PGM5: variants seen among roughly 807,000 people sequenced by gnomAD.
PGM5 encodes the protein phosphoglucomutase-like protein 5.
PGM5 carries 23 observed loss-of-function variants against 59.2 expected under a neutral mutation model. The ratio of observed to expected loss-of-function variants is 0.39; its 90% confidence interval spans 0.28 to 0.55. The LOEUF is 0.55. Ranked by LOEUF, PGM5 falls within the 20% of genes least tolerant of loss-of-function variation. The pLI is 0.66. For missense variants in PGM5, 574 were observed against 748.3 expected, an observed-to-expected ratio of 0.77 and a Z score of 2.72; for synonymous variants, 214 against 286.0, an observed-to-expected ratio of 0.75 and a Z score of 2.54.
intron 3 of PGM5, among the ~76,000 whole-genome samples, chr9:68,386,533 T>G (rs1447268755): frequency 2.6e-5 from 4 of 152,198 alleles, no homozygotes; most frequent in African/African-American, 9.6e-5. Context: ...TTACTAAAAA[T>G]TATTGAAAGT....
chr9:68,520,124 A>T (rs1254811343), intron 10 of PGM5, among the ~76,000 whole-genome samples: 1 of 150,538 alleles, frequency 6.6e-6, no homozygotes, highest in Admixed American at 6.6e-5. Context: ...AGCTCGTTAT[A>T]AAAAATACAT....
chr9:68,470,259 G>A (rs1418922533), intron 7 of PGM5, among the ~76,000 whole-genome samples: 1 of 152,170 alleles, frequency 6.6e-6, no homozygotes, highest in Non-Finnish European at 1.5e-5. Context: ...CTAGGTTCCA[G>A]CTTTAGTGAT....
At chr9:68,479,358 T>C in intron 7 of PGM5, 60 bp from the exon 8 acceptor site, 3 of 1,530,444 alleles carry the variant, frequency 2.0e-6, no homozygotes, top group Non-Finnish European at 2.6e-6. Flanking sequence ...TCTTAATTCA[T>C]TTAGCTTTTG....
At chr9:68,484,720 G>A (rs1824266835) in intron 9 of PGM5, among the ~76,000 whole-genome samples, 1 of 152,074 alleles carries the variant, frequency 6.6e-6, no homozygotes, top group Non-Finnish European at 1.5e-5. Flanking sequence ...TTTGTAGCCT[G>A]CAGGTGCTCA....
In PGM5 at chr9:68,368,353, A is replaced by T. The variant is rs577148721; in HGVS notation, c.262-9846A>T. ...CTACCTTGTAAGAACAGCTTTGTGCAGTGAGCTCAACAACATTGATCAGTT... is the reference window on the plus strand; with the variant it reads ...CTACCTTGTAAGAACAGCTTTGTGCTGTGAGCTCAACAACATTGATCAGTT... On this transcript the variant is annotated intron_variant, in intron 1 of 10. Transcript: ENST00000396396. Among the ~76,000 whole-genome samples the T allele has an allele frequency of 5.0e-3, 754 of 151,390 alleles. 6 individuals carry two copies. Among genetic ancestry groups the T allele is most frequent in the Non-Finnish European group, 8.7e-3 (589 of 67,828 alleles).
chr9:68,499,852 G>A (rs1343577753), intron 10 of PGM5, among the ~76,000 whole-genome samples: 1 of 152,192 alleles, frequency 6.6e-6, no homozygotes, highest in Admixed American at 6.5e-5. Flanking sequence ...AGTTAAGGAA[G>A]CACATTGACA....
intron 1 of PGM5, 28 bp downstream of exon 1, chr9:68,357,416 C>T (rs782662050): frequency 1.3e-6 from 2 of 1,546,646 alleles, no homozygotes; most frequent in East Asian, 2.4e-5. Context: ...CCTCGCTTCC[C>T]GCCGCGCCGC....
chr9:68,477,308 C>T (rs1217269798), intron 7 of PGM5, among the ~76,000 whole-genome samples: 21 of 151,038 alleles, frequency 1.4e-4, no homozygotes, highest in Non-Finnish European at 2.9e-4. Flanking sequence ...CAGCCCCCCT[C>T]AGGTTTGCAT....
At chr9:68,373,444 C>G (rs1456391862) in intron 1 of PGM5, among the ~76,000 whole-genome samples, 50 of 152,262 alleles carry the variant, frequency 3.3e-4, no homozygotes, top group African/African-American at 1.2e-3. Context: ...CTTTAACCTT[C>G]TTAAACAGAA....
chr9:68,358,319 C>G (rs1201173205), intron 1 of PGM5, among the ~76,000 whole-genome samples: 2 of 152,160 alleles, frequency 1.3e-5, no homozygotes, highest in African/African-American at 4.8e-5. Context: ...AGGTTTTTCT[C>G]CCTCTGCCCC....
chr9:68,451,747 G>C (rs1823700061), intron 6 of PGM5, among the ~76,000 whole-genome samples: 1 of 152,192 alleles, frequency 6.6e-6, no homozygotes, highest in African/African-American at 2.4e-5. Context: ...CACCAGAATT[G>C]TCCTTAGGGA....
rs1443231469 is a variant in PGM5, at chr9:68,483,914, G to C, written c.1345G>C (p.Asp449His). 1 of 1,614,050 alleles carries C rather than the reference G, an allele frequency of 6.2e-7. No individual in the cohort carries two copies. Among genetic ancestry groups the C allele is most frequent in the Non-Finnish European group, 8.5e-7 (1 of 1,180,032 alleles). Residue 449 changes from aspartate to histidine, a missense_variant, in exon 9 of 11, where the codon GAC (aspartate) becomes CAC (histidine). Asp to His is a moderately conservative substitution (Grantham distance 81). This residue lies in a region of PGM5 where 300 missense variants were observed against 280.0 expected (regional missense o/e 1.07). Coordinates refer to ENST00000396396, the MANE Select transcript of PGM5 (RefSeq NM_021965.4). The stretch of plus-strand genomic sequence containing the variant: ...CAAGACGACATATTATATCATGAGG[G>C]ACCTGGAGGCCCTGGTCACAGACAA... Reference protein sequence around the residue: ...DPKTTYYIMRDLEALVTDKSF... With the variant: ...DPKTTYYIMRHLEALVTDKSF...
intron 6 of PGM5, among the ~76,000 whole-genome samples, chr9:68,409,132 C>G (rs1194480313): frequency 1.1e-4 from 16 of 151,614 alleles, no homozygotes; most frequent in African/African-American, 3.9e-4. Context: ...AAATGCTCAT[C>G]ATCACTGGCC....
intron 6 of PGM5, among the ~76,000 whole-genome samples, chr9:68,409,934 G>T (rs1405435119): frequency 3.3e-5 from 5 of 151,702 alleles, no homozygotes; most frequent in African/African-American, 1.2e-4. Context: ...TGGTACATCT[G>T]ACTTCGCCAT....
intron 1 of PGM5, among the ~76,000 whole-genome samples, 163 bp downstream of exon 1, chr9:68,357,551 C>T (rs1204271616): frequency 6.6e-6 from 1 of 152,238 alleles, no homozygotes; most frequent in Non-Finnish European, 1.5e-5. Flanking sequence ...ACTCCCGCCG[C>T]GCTCGCAGCC....
At chr9:68,426,181 T>C (rs1363404813) in intron 6 of PGM5, among the ~76,000 whole-genome samples, 5 of 151,986 alleles carry the variant, frequency 3.3e-5, no homozygotes, top group African/African-American at 1.2e-4. Flanking sequence ...TGGGGTGAGA[T>C]GTCTTTCTTG....
chr9:68,393,975 T>TA (rs1195568437), intron 6 of PGM5: 1 of 152,046 alleles, frequency 6.6e-6, no homozygotes, highest in African/African-American at 2.4e-5. Context: ...TATGGATGAA[T>TA]AAAAAAATAT....
chr9:68,496,151 T>C (rs781911268), intron 9 of PGM5, among the ~76,000 whole-genome samples: 5 of 152,212 alleles, frequency 3.3e-5, no homozygotes, highest in Non-Finnish European at 5.9e-5. Context: ...TATTCTTTCA[T>C]TGAAATTCAG....
chr9:68,482,008 T>C (rs1824203974), intron 8 of PGM5, among the ~76,000 whole-genome samples: 1 of 152,230 alleles, frequency 6.6e-6, no homozygotes. Context: ...TTCCAGATTA[T>C]TTTTCTTGTA....
Sources: gnomAD v4.1 joint callset for allele counts (sites outside exome capture counted in the v4.1 genomes callset) on GRCh38, gnomAD v4.1.1 for gene constraint, gnomAD v4.1.1 regional missense constraint, MANE v1.5 for transcripts, NCBI Gene and HGNC (gene_info 2026-07-23, HGNC 2026-07-21) for gene names.